Variants in GPR107 observed in about 807,000 individuals in gnomAD.
GPR107 encodes G protein-coupled receptor 107.
Under a neutral mutation model 75.5 loss-of-function variants are expected in GPR107, and 31 were observed. The ratio of observed to expected loss-of-function variants is 0.41; its 90% CI spans 0.31 to 0.55. The LOEUF is 0.55. GPR107 is among the 20% of genes least tolerant of loss of function. The pLI, the probability that GPR107 is intolerant of heterozygous loss-of-function variation, is 0.26. For missense variants in GPR107, 572 were observed against 665.7 expected (o/e 0.86, Z 1.55); for synonymous variants, 267 against 251.3 (o/e 1.06, Z -0.59).
At position 130,138,301 on chromosome 9, in the gene GPR107, G is replaced by A. The variant is rs1012186288; in HGVS notation, c.*3180G>A. 2.0e-5 allele frequency: 3 copies of A among 152,138 alleles called. No homozygotes were observed. Among genetic ancestry groups the A allele is most frequent in the African/African-American group, 7.2e-5 (3 of 41,416 alleles). 9.4% of individuals were successfully genotyped at this position (152,138 alleles called of 1,614,324 possible). The stretch of plus-strand genomic sequence containing the variant: ...GGTTTCCCCGCCCTGGACATGTCCA[G>A]CCTGCCCAGGCAGCACACAGCCCTG... On this transcript the variant is annotated 3_prime_UTR_variant, in exon 18 of 18. Coordinates refer to ENST00000347136, the MANE Select transcript of GPR107 (RefSeq NM_020960.5).
chr9:130,075,608 C>CT, intron 1 of GPR107, 28 bp from the exon 2 acceptor site: 1 of 1,134,944 alleles, frequency 8.8e-7, no homozygotes, highest in Non-Finnish European at 1.3e-6. Flanking sequence ...TTCCATATGA[C>CT]TAATTCCACC....
intron 9 of GPR107, 78 bp downstream of exon 9, chr9:130,092,459 A>G (rs1830764454): frequency 8.3e-7 from 1 of 1,208,620 alleles, no homozygotes; most frequent in Non-Finnish European, 1.2e-6. Flanking sequence ...CTGAACCTGG[A>G]GGCAGTTGTC....
At chr9:130,133,890 A>T (rs1489695580) in intron 17 of GPR107, among the ~76,000 whole-genome samples, 1 of 152,102 alleles carries the variant, frequency 6.6e-6, no homozygotes, top group Admixed American at 6.6e-5. Flanking sequence ...AAGAGGGGGA[A>T]GTTTTCTTCC....
intron 1 of GPR107, among the ~76,000 whole-genome samples, chr9:130,065,295 C>A (rs1830042087): frequency 6.6e-6 from 1 of 151,088 alleles, no homozygotes; most frequent in African/African-American, 2.4e-5. Context: ...ACTAAAAATA[C>A]AAAATATTAG....
intron 5 of GPR107, among the ~76,000 whole-genome samples, chr9:130,081,187 A>G (rs1830487029): frequency 6.6e-6 from 1 of 152,082 alleles, no homozygotes; most frequent in African/African-American, 2.4e-5. Context: ...CCTGGATGAC[A>G]GAACAAGACC....
intron 12 of GPR107, among the ~76,000 whole-genome samples, chr9:130,102,624 G>C (rs1831062537): frequency 6.6e-6 from 1 of 152,222 alleles, no homozygotes; most frequent in Non-Finnish European, 1.5e-5. Context: ...GGCAGTGACA[G>C]AAAGTTTCTA....
rs1386224287 is a variant in GPR107 at position 130,111,777 on chromosome 9, A to G, written c.1306+4238A>G. Among the ~76,000 whole-genome samples, 6 of 151,934 alleles carry G rather than the reference A, an allele frequency of 3.9e-5. No individual in the cohort carries two copies. In the South Asian group the frequency reaches 1.2e-3, roughly 32 times the overall value. ...TTGGCTTTTACTTTGTTGTCTCTGGATTCCTTTTGACCAAACCTGAGGGAA... is the reference window on the plus strand; with the variant it reads ...TTGGCTTTTACTTTGTTGTCTCTGGGTTCCTTTTGACCAAACCTGAGGGAA... On this transcript the variant is annotated intron_variant, in intron 14 of 17. Coordinates refer to ENST00000347136, the MANE Select transcript of GPR107 (RefSeq NM_020960.5).
At chr9:130,086,578 G>A (rs144751936) in intron 7 of GPR107, 102 bp downstream of exon 7, 10,752 of 734,004 alleles carry the variant, frequency 0.015, 133 homozygotes, top group Middle Eastern at 0.039. Flanking sequence ...AACAACTTAG[G>A]TATGCCCTGT....
chr9:130,084,775 CAAA>C (rs143763501), intron 6 of GPR107, among the ~76,000 whole-genome samples: 6 of 118,814 alleles, frequency 5.0e-5, no homozygotes, highest in African/African-American at 6.3e-5. Context: ...GACCCTGTCT[CAAA>C]AAAAAAAAAA....
chr9:130,132,829 T>TATATA (rs1831860877), intron 17 of GPR107, among the ~76,000 whole-genome samples: 1 of 147,698 alleles, frequency 6.8e-6, no homozygotes, highest in African/African-American at 2.5e-5. Flanking sequence ...TTTTATATAT[T>TATATA]TATATATATA....
intron 1 of GPR107, among the ~76,000 whole-genome samples, chr9:130,067,737 C>G (rs1445227162): frequency 8.9e-6 from 1 of 112,074 alleles, no homozygotes; most frequent in African/African-American, 3.6e-5. Flanking sequence ...ACTGGTAGTC[C>G]CCCCCCACCG....
Position 130,107,476 on chromosome 9 carries a change from C to T in GPR107, c.1263-20C>T, listed in dbSNP as rs1326280754. 3 of 1,514,622 alleles carry T rather than the reference C, an allele frequency of 2.0e-6. No individual in the cohort carries two copies. Among genetic ancestry groups the T allele is most frequent in the East Asian group, 2.2e-5 (1 of 44,448 alleles). The allele number at this position is 1,514,622 out of a possible 1,614,324, so 93.8% of individuals were successfully genotyped here. A position where few individuals can be genotyped will look rare whatever the true frequency, so the allele number is the denominator to read the frequency against. ...CAGATTTGTCAGCTAACTTTTTGTT[C>T]TCTAAATGTTTATTTTTAGGTCAAT... is the stretch of plus-strand genomic sequence containing the variant. On this transcript the variant is annotated intron_variant, in intron 13 of 17. Transcript: ENST00000347136.
chr9:130,079,355 A>G (rs1372496719), intron 4 of GPR107, among the ~76,000 whole-genome samples: 1 of 152,234 alleles, frequency 6.6e-6, no homozygotes, highest in African/African-American at 2.4e-5. Context: ...ACTTAAGGAG[A>G]AAGATGTACC....
At chr9:130,064,794 A>G (rs1460680363) in intron 1 of GPR107, among the ~76,000 whole-genome samples, 1 of 152,206 alleles carries the variant, frequency 6.6e-6, no homozygotes, top group East Asian at 1.9e-4. Flanking sequence ...AGGCACACAC[A>G]GAGGGAAGAA....
chr9:130,092,358 G>A lies in GPR107; in HGVS notation c.840G>A (p.Trp280Ter). 1 of 1,612,170 alleles carries A rather than the reference G, an allele frequency of 6.2e-7. No individual in the cohort carries two copies. Among genetic ancestry groups the A allele is most frequent in the Non-Finnish European group, 8.5e-7 (1 of 1,178,298 alleles). ...TCTTCTTTCTTTCTGGGACCATCTG[G>A]ATTCATATCCTTCGAAAACGACGGT... ...AFFFFLSGTI[W>*]IHILRKRRND... The change falls in exon 9 of 18, where the codon TGG becomes TGA. Residue 280 changes from tryptophan to a stop codon, truncating the protein, a stop_gained. Coordinates refer to ENST00000347136, the MANE Select transcript of GPR107 (RefSeq NM_020960.5). LOFTEE classifies it high-confidence loss of function.
intron 13 of GPR107, 152 bp from the exon 14 acceptor site, chr9:130,107,344 C>T (rs987688396): frequency 1.2e-5 from 8 of 649,394 alleles, no homozygotes; most frequent in East Asian, 2.8e-5. Flanking sequence ...ATTTCCCCCC[C>T]TCTACCCGTT....
intron 11 of GPR107, 101 bp from the exon 12 acceptor site, chr9:130,101,005 T>C (rs1467489495): frequency 9.0e-6 from 7 of 774,546 alleles, no homozygotes; most frequent in African/African-American, 3.5e-5. Context: ...TGCCCGTCTT[T>C]TGTAAGAAGC....
chr9:130,057,088 TTGTC>T (rs546157039), intron 1 of GPR107, among the ~76,000 whole-genome samples: 19 of 152,150 alleles, frequency 1.2e-4, no homozygotes, highest in African/African-American at 4.6e-4. Context: ...CAACTTTAGA[TTGTC>T]TGTTTTGCTT....
intron 1 of GPR107, among the ~76,000 whole-genome samples, chr9:130,067,988 C>T (rs1830107379): frequency 6.6e-6 from 1 of 152,154 alleles, no homozygotes; most frequent in African/African-American, 2.4e-5. Context: ...GATCCTCCCA[C>T]CTCAGCCCCC....
Sources: allele counts gnomAD v4.1 joint callset (sites outside exome capture counted in the v4.1 genomes callset), GRCh38; gene constraint gnomAD v4.1.1; transcripts MANE v1.5; gene names NCBI Gene and HGNC (gene_info 2026-07-23, HGNC 2026-07-21).